Variants in SLC25A2 observed in about 807,000 individuals in gnomAD.
SLC25A2 encodes the protein mitochondrial ornithine transporter 2.
A neutral mutation model predicts 7.4 loss-of-function variants in SLC25A2; 6 were observed. The ratio of observed to expected loss-of-function variants is 0.82; its 90% confidence interval spans 0.45 to 1.61. The LOEUF (loss-of-function observed/expected upper bound fraction) is 1.61. Ranked by LOEUF, SLC25A2 falls within the 40% of genes most tolerant of loss-of-function variation. The pLI is 0.01. For missense variants in SLC25A2, 356 were observed against 377.3 expected, an observed-to-expected ratio of 0.94 and a Z score of 0.47; for synonymous variants, 158 against 153.4, an observed-to-expected ratio of 1.03 and a Z score of -0.22.
Position 141,303,014 on chromosome 5 carries a change from A to C in SLC25A2, c.852T>G (p.Phe284Leu). 1 of 1,614,134 alleles carries C rather than the reference A, an allele frequency of 6.2e-7. No homozygotes were observed. The highest frequency in any genetic ancestry group is 2.2e-5 in the East Asian group (1 of 44,890). The change falls in exon 1 of 1, where the codon TTT becomes TTG. Residue 284 changes from phenylalanine (F) to leucine (L), a missense_variant. Phe to Leu is a conservative substitution (Grantham distance 22). Coordinates refer to ENST00000239451, the MANE Select transcript of SLC25A2 (RefSeq NM_031947.4). ...IRAIPANGALFVAYEYSRKMM... is the reference protein window; with the variant it reads ...IRAIPANGALLVAYEYSRKMM... The stretch of plus-strand genomic sequence containing the variant: ...TCTTCCTGCTGTATTCGTAGGCCAC[A>C]AACAGTGCCCCATTGGCAGGGATTG...
In SLC25A2 at chr5:141,303,315, T is replaced by C. The variant is rs1554296059; in HGVS notation, c.551A>G (p.Tyr184Cys). 2 of 1,614,106 alleles carry C rather than the reference T, an allele frequency of 1.2e-6. No homozygotes were observed. The highest frequency in any genetic ancestry group is 2.2e-5 in the East Asian group (1 of 44,874). Residue 184 changes from tyrosine (Y) to cysteine (C), a missense_variant, in exon 1 of 1, where the codon TAT becomes TGT. By Grantham distance (194) the Tyr-to-Cys change is radical. Transcript: ENST00000239451. Reference protein sequence around the residue: ...SSTLLQEVPGYFFFFGGYELS... With the variant: ...SSTLLQEVPGCFFFFGGYELS... The stretch of plus-strand genomic sequence containing the variant: ...TTCATAGCCACCAAAGAAAAAGAAA[T>C]AACCCGGTACTTCTTGAAGTAGAGT...
rs1332724303 is a variant in SLC25A2, at chr5:141,302,798, A to G, written c.*162T>C. On this transcript the variant is annotated 3_prime_UTR_variant, in exon 1 of 1. Coordinates refer to ENST00000239451, the MANE Select transcript of SLC25A2 (RefSeq NM_031947.4). ...GGGCAGAAATTATATGATGTAAAAT[A>G]GAGGCCCTTCCATAAAGTTAAGATT... The G allele has an allele frequency of 5.5e-5, 35 of 638,782 alleles. No homozygotes were observed. The highest frequency in any genetic ancestry group is 9.1e-5 in the Non-Finnish European group (35 of 383,538). The allele number at this position is 638,782 out of a possible 1,614,324, so 39.6% of individuals were successfully genotyped here. A position where few individuals can be genotyped will look rare whatever the true frequency, so the allele number is the denominator to read the frequency against.
At position 141,303,822 on chromosome 5, in the gene SLC25A2, G is replaced by C. The variant is rs1554296137; in HGVS notation, c.44C>G (p.Ala15Gly). 4 of 1,614,158 alleles carry C rather than the reference G, an allele frequency of 2.5e-6. No individual in the cohort carries two copies. Among genetic ancestry groups the C allele is most frequent in the Non-Finnish European group, 2.5e-6 (3 of 1,180,028 alleles). The change falls in exon 1 of 1, where the codon GCG becomes GGG. Residue 15 changes from alanine (A) to glycine (G), a missense_variant. Ala to Gly is a moderately conservative substitution (Grantham distance 60). Coordinates refer to ENST00000239451, the MANE Select transcript of SLC25A2 (RefSeq NM_031947.4). ...ACACGCTGTCCCCCCTGCGGCCCCC[G>C]CTGTGAGGTCGATGGCGGCTTGGAT... ...PGIQAAIDLTAGAAGGTACVL... is the reference protein window; with the variant it reads ...PGIQAAIDLTGGAAGGTACVL...
Position 141,302,710 on chromosome 5 carries a change from C to T in SLC25A2, c.*250G>A. The T allele has an allele frequency of 2.4e-6, 1 of 423,540 alleles. No homozygotes were observed. The highest frequency in any genetic ancestry group is 4.2e-6 in the Non-Finnish European group (1 of 239,774). The allele number at this position is 423,540 out of a possible 1,614,324, so 26.2% of individuals were successfully genotyped here. A position where few individuals can be genotyped will look rare whatever the true frequency, so the allele number is the denominator to read the frequency against. On this transcript the variant is annotated 3_prime_UTR_variant, in exon 1 of 1. Transcript: ENST00000239451. Reference sequence around the variant, plus strand: ...TTCAGATTAGGTACATAGGGCCAACCAGCCCACCCTGTACATTCCAGCAAG... The same window carrying T: ...TTCAGATTAGGTACATAGGGCCAACTAGCCCACCCTGTACATTCCAGCAAG...
At position 141,303,169 on chromosome 5, in the gene SLC25A2, T is replaced by C. The variant is rs782247686; in HGVS notation, c.697A>G (p.Ile233Val). 7.4e-6 allele frequency: 12 copies of C among 1,614,082 alleles called. No individual in the cohort carries two copies. The East Asian group carries it at 1.8e-4, about 24-fold the overall frequency. Residue 233 changes from isoleucine to valine, a missense_variant, in exon 1 of 1, where the codon ATT (isoleucine) becomes GTT (valine). Physicochemically the swap from Ile to Val is conservative, Grantham distance 29. Coordinates refer to ENST00000239451, the MANE Select transcript of SLC25A2 (RefSeq NM_031947.4). ...GAAAGAACTTGAATTCTGGATTTAA[T>C]ACAATCCACTGGGAACACGACAAGC... The part of the protein sequence containing the change: ...LWLVVFPVDC[I>V]KSRIQVLSMY...
rs1428337098 is a variant in SLC25A2 at position 141,303,735 on chromosome 5, T to TAC, written c.129_130dup (p.Tyr44CysfsTer10). 1.6e-5 allele frequency: 25 copies of TAC among 1,612,236 alleles called. No individual in the cohort carries two copies. Among genetic ancestry groups the TAC allele is most frequent in the Non-Finnish European group, 2.1e-5 (25 of 1,178,820 alleles). On this transcript the variant is annotated frameshift_variant, in exon 1 of 1. Coordinates refer to ENST00000239451, the MANE Select transcript of SLC25A2 (RefSeq NM_031947.4). LOFTEE classifies it high-confidence loss of function. ...CAGGAAGCAGTCGGTGAGGCCCTTG[T>TAC]ACAGGTCAGGGAACGTCTGCATCTT...
rs1755924592 is a variant in SLC25A2 at position 141,302,694 on chromosome 5, G to A, written c.*266C>T. On this transcript the variant is annotated 3_prime_UTR_variant, in exon 1 of 1. Transcript: ENST00000239451. ...GAACGATATTTAGTTTTTCAGATTA[G>A]GTACATAGGGCCAACCAGCCCACCC... 3 of 369,330 alleles carry A rather than the reference G, an allele frequency of 8.1e-6. No individual in the cohort carries two copies. The East Asian group carries it at 1.5e-4, about 18-fold the overall frequency. The allele number at this position is 369,330 out of a possible 1,614,324, so 22.9% of individuals were successfully genotyped here. A position where few individuals can be genotyped will look rare whatever the true frequency, so the allele number is the denominator to read the frequency against.
chr5:141,303,754 G>C lies in SLC25A2; in HGVS notation c.112C>G (p.Gln38Glu). Reference protein sequence around the residue: ...QPFDTIKVKMQTFPDLYKGLT... With the variant: ...QPFDTIKVKMETFPDLYKGLT... ...CCCTTGTACAGGTCAGGGAACGTCT[G>C]CATCTTCACTTTTATTGTGTCGAAG... is the stretch of plus-strand genomic sequence containing the variant. The change falls in exon 1 of 1, where the codon CAG becomes GAG. Residue 38 changes from glutamine (Q) to glutamate (E), a missense_variant. By Grantham distance (29) the Gln-to-Glu change is conservative (BLOSUM62 2). Transcript: ENST00000239451. 1 of 1,614,220 alleles carries C rather than the reference G, an allele frequency of 6.2e-7. No homozygotes were observed. Among genetic ancestry groups the C allele is most frequent in the Non-Finnish European group, 8.5e-7 (1 of 1,180,034 alleles).
At position 141,303,324 on chromosome 5, in the gene SLC25A2, A is replaced by C. The variant is rs3749779; in HGVS notation, c.542T>G (p.Val181Gly). Residue 181 changes from valine (V) to glycine (G), a missense_variant, in exon 1 of 1, where the codon GTA (valine) becomes GGA (glycine). Transcript: ENST00000239451. ...ACCAAAGAAAAAGAAATAACCCGGT[A>C]CTTCTTGAAGTAGAGTACTCGAGAG... Reference protein sequence around the residue: ...HGLSSTLLQEVPGYFFFFGGY... With the variant: ...HGLSSTLLQEGPGYFFFFGGY... 0.012 allele frequency: 19,944 copies of C among 1,614,202 alleles called. 1,153 individuals carry two copies. In the Admixed American group the frequency reaches 0.15, roughly 12 times the overall value.
Position 141,303,390 on chromosome 5 carries a change from C to G in SLC25A2, c.476G>C (p.Gly159Ala). ...CAAGGGGCCATCCTTTTTAAGGATA[C>G]CCTTCACGACAGACCAAATTGTATT... ...SHNTIWSVVK[G>A]ILKKDGPLGF... Residue 159 changes from glycine to alanine, a missense_variant, in exon 1 of 1, where the codon GGT becomes GCT. Gly to Ala is a moderately conservative substitution (Grantham distance 60). Transcript: ENST00000239451. 1 of 1,614,200 alleles carries G rather than the reference C, an allele frequency of 6.2e-7. No individual in the cohort carries two copies.
Position 141,303,836 on chromosome 5 carries a change from G to T in SLC25A2, c.30C>A (p.Ala10=). ...CTGCGGCCCCCGCTGTGAGGTCGAT[G>T]GCGGCTTGGATGCCAGGACCGGACT... MKSGPGIQA[A]IDLTAGAAGG... Residue 10 remains alanine, a synonymous_variant, in exon 1 of 1, where the codon GCC becomes GCA. Coordinates refer to ENST00000239451, the MANE Select transcript of SLC25A2 (RefSeq NM_031947.4). 1 of 1,614,030 alleles carries T rather than the reference G, an allele frequency of 6.2e-7. No individual in the cohort carries two copies. Among genetic ancestry groups the T allele is most frequent in the Non-Finnish European group, 8.5e-7 (1 of 1,179,952 alleles).
In SLC25A2 at chr5:141,303,113, ACCAATAAATCC is replaced by A; in HGVS notation, c.742_752del (p.Gly248TyrfsTer9). The A allele has an allele frequency of 6.2e-7, 1 of 1,614,252 alleles. No homozygotes were observed. The highest frequency in any genetic ancestry group is 2.2e-5 in the East Asian group (1 of 44,888). On this transcript the variant is annotated frameshift_variant, in exon 1 of 1. Coordinates refer to ENST00000239451, the MANE Select transcript of SLC25A2 (RefSeq NM_031947.4). LOFTEE classifies it high-confidence loss of function. ...CATTTCTCACAACACTTAAGAGGGT[ACCAATAAATCC>A]TGCCTGTTTCCCATACATGGAAAGA...
rs201461973 is a variant in SLC25A2, at chr5:141,303,810, C to T, written c.56G>A (p.Gly19Glu). Residue 19 changes from glycine to glutamate, a missense_variant, in exon 1 of 1, where the codon GGG becomes GAG. Gly to Glu is a moderately conservative substitution (Grantham distance 98). Coordinates refer to ENST00000239451, the MANE Select transcript of SLC25A2 (RefSeq NM_031947.4). ...AAIDLTAGAA[G>E]GTACVLTGQP... is the part of the protein sequence containing the mutation. ...CCCAGTCAGTACACACGCTGTCCCC[C>T]CTGCGGCCCCCGCTGTGAGGTCGAT... is the stretch of plus-strand genomic sequence containing the variant. 9 of 1,614,216 alleles carry T rather than the reference C, an allele frequency of 5.6e-6. No individual in the cohort carries two copies. The Admixed American group carries it at 6.7e-5, about 12-fold the overall frequency.
rs1554295978 is a variant in SLC25A2, at chr5:141,302,697, A to C, written c.*263T>G. The stretch of plus-strand genomic sequence containing the variant: ...CGATATTTAGTTTTTCAGATTAGGT[A>C]CATAGGGCCAACCAGCCCACCCTGT... On this transcript the variant is annotated 3_prime_UTR_variant, in exon 1 of 1. Transcript: ENST00000239451. 2.6e-6 allele frequency: 1 copy of C among 389,662 alleles called. No individual in the cohort carries two copies. Among genetic ancestry groups the C allele is most frequent in the Non-Finnish European group, 4.6e-6 (1 of 218,108 alleles). 24.1% of individuals were successfully genotyped at this position (389,662 alleles called of 1,614,324 possible). A position where few individuals can be genotyped will look rare whatever the true frequency, so the allele number is the denominator to read the frequency against.
At position 141,303,991 on chromosome 5, in the gene SLC25A2, G is replaced by T; in HGVS notation, c.-126C>A. 1.8e-6 allele frequency: 2 copies of T among 1,099,622 alleles called. No homozygotes were observed. Among genetic ancestry groups the T allele is most frequent in the South Asian group, 1.6e-5 (1 of 62,498 alleles). 68.1% of individuals were successfully genotyped at this position (1,099,622 alleles called of 1,614,324 possible). A position where few individuals can be genotyped will look rare whatever the true frequency, so the allele number is the denominator to read the frequency against. On this transcript the variant is annotated 5_prime_UTR_variant, in exon 1 of 1. Coordinates refer to ENST00000239451, the MANE Select transcript of SLC25A2 (RefSeq NM_031947.4). Reference sequence around the variant, plus strand: ...TTGGGGGTGGTGGGGTGGCTCTACCGCCTGTTCTGGGCTCTCACCCCAGTG... The same window carrying T: ...TTGGGGGTGGTGGGGTGGCTCTACCTCCTGTTCTGGGCTCTCACCCCAGTG...
Position 141,303,211 on chromosome 5 carries a change from C to CAACTCCA in SLC25A2, c.648_654dup (p.Ala219TrpfsTer18). 6.2e-7 allele frequency: 1 copy of CAACTCCA among 1,614,224 alleles called. No homozygotes were observed. Among genetic ancestry groups the CAACTCCA allele is most frequent in the Non-Finnish European group, 8.5e-7 (1 of 1,180,036 alleles). On this transcript the variant is annotated frameshift_variant, in exon 1 of 1. Transcript: ENST00000239451. LOFTEE classifies it high-confidence loss of function. ...ACGACAAGCCACAGGCAAATTCCAG[C>CAACTCCA]AACTCCACCACTTAACATCAAATGG...
chr5:141,303,833 G>A lies in SLC25A2; in HGVS notation c.33C>T (p.Ile11=), dbSNP rs782546595. The change falls in exon 1 of 1, where the codon ATC becomes ATT. Residue 11 remains isoleucine (I), a synonymous_variant. Transcript: ENST00000239451. MKSGPGIQAA[I]DLTAGAAGGT... is the part of the protein sequence containing the mutation. ...CCCCTGCGGCCCCCGCTGTGAGGTCGATGGCGGCTTGGATGCCAGGACCGG... is the reference window on the plus strand; with the variant it reads ...CCCCTGCGGCCCCCGCTGTGAGGTCAATGGCGGCTTGGATGCCAGGACCGG... 1.2e-6 allele frequency: 2 copies of A among 1,614,088 alleles called. No homozygotes were observed. Among genetic ancestry groups the A allele is most frequent in the Non-Finnish European group, 1.7e-6 (2 of 1,179,980 alleles).
At position 141,303,636 on chromosome 5, in the gene SLC25A2, T is replaced by G. The variant is rs1755944028; in HGVS notation, c.230A>C (p.Glu77Ala). The change falls in exon 1 of 1, where the codon GAA (glutamate) becomes GCA (alanine). Residue 77 changes from glutamate to alanine, a missense_variant. Physicochemically the swap from Glu to Ala is moderately radical, Grantham distance 107. Transcript: ENST00000239451. Reference protein sequence around the residue: ...TGPALMAYVAENSVLFMCYGF... With the variant: ...TGPALMAYVAANSVLFMCYGF... The stretch of plus-strand genomic sequence containing the variant: ...GTAGCACATGAAGAGGACCGAGTTT[T>G]CGGCGACGTAGGCCATAAGTGCCGG... 2 of 1,614,240 alleles carry G rather than the reference T, an allele frequency of 1.2e-6. No homozygotes were observed. Among genetic ancestry groups the G allele is most frequent in the African/African-American group, 2.7e-5 (2 of 75,062 alleles).
chr5:141,303,957 G>T lies in SLC25A2; in HGVS notation c.-92C>A. On this transcript the variant is annotated 5_prime_UTR_variant, in exon 1 of 1. Transcript: ENST00000239451. ...TCACGTCCAGCCGCAGCGAGCGCGG[G>T]GAATGGAGTTGGGGGTGGTGGGGTG... The T allele has an allele frequency of 7.0e-7, 1 of 1,433,448 alleles. No homozygotes were observed. The allele number at this position is 1,433,448 out of a possible 1,614,324, so 88.8% of individuals were successfully genotyped here. A position where few individuals can be genotyped will look rare whatever the true frequency, so the allele number is the denominator to read the frequency against.
Sources: gnomAD v4.1 joint callset for allele counts on GRCh38, gnomAD v4.1.1 for gene constraint, MANE v1.5 for transcripts, NCBI Gene and HGNC (gene_info 2026-07-23, HGNC 2026-07-21) for gene names.